Variants in USP24 observed in about 807,000 individuals in gnomAD.
The protein encoded by USP24 is ubiquitin carboxyl-terminal hydrolase 24.
In USP24, 97 loss-of-function variants were observed where a neutral mutation model predicts 361.6. That is an observed-to-expected ratio of 0.27 (90% CI 0.23 to 0.32). USP24 has a LOEUF of 0.32. Among genes scored for constraint, USP24 ranks in the 10% least tolerant of loss-of-function variants. The pLI is 1.00. For missense variants in USP24, 2,353 were observed against 3,165.6 expected (o/e 0.74, Z 6.16); for synonymous variants, 1,098 against 1,124.6 (o/e 0.98, Z 0.47).
chr1:55,080,216 T>G (rs1252957043), intron 59 of USP24, among the ~76,000 whole-genome samples: 1 of 152,184 alleles, frequency 6.6e-6, no homozygotes, highest in African/African-American at 2.4e-5. Context: ...TAATTTTCGT[T>G]ACAAAATTGT....
chr1:55,107,608 C>A (rs919030811), intron 39 of USP24, among the ~76,000 whole-genome samples, 178 bp from the exon 40 acceptor site: 4 of 151,994 alleles, frequency 2.6e-5, no homozygotes, highest in Admixed American at 6.6e-5. Flanking sequence ...CTTTGGGAGG[C>A]TGAGGTGGGC....
At chr1:55,197,020 G>GTTGC (rs1644438709) in intron 1 of USP24, among the ~76,000 whole-genome samples, 1 of 152,196 alleles carries the variant, frequency 6.6e-6, no homozygotes, top group Non-Finnish European at 1.5e-5. Context: ...ATAGCATATA[G>GTTGC]TTGCTTTCAT....
At chr1:55,197,249 C>T (rs1163411839) in intron 1 of USP24, among the ~76,000 whole-genome samples, 1 of 152,222 alleles carries the variant, frequency 6.6e-6, no homozygotes, top group Non-Finnish European at 1.5e-5. Flanking sequence ...CCCCTACCCA[C>T]TGCTGTCCAG....
intron 59 of USP24, 130 bp from the exon 60 acceptor site, chr1:55,079,789 ACACTGAGTACT>A: frequency 8.7e-7 from 1 of 1,147,644 alleles, no homozygotes; most frequent in Non-Finnish European, 1.2e-6. Context: ...GAGTACTCAC[ACACTGAGTACT>A]CACACACTGA....
intron 67 of USP24, chr1:55,071,558 C>A: frequency 7.7e-7 from 1 of 1,301,976 alleles, no homozygotes. Context: ...ATCGGGACTA[C>A]CTGCAGGCTG....
At chr1:55,190,109 G>A (rs532526379) in intron 1 of USP24, among the ~76,000 whole-genome samples, 1 of 132,514 alleles carries the variant, frequency 7.5e-6, no homozygotes, top group Admixed American at 9.4e-5. Flanking sequence ...AGGTTGCGGT[G>A]AGCCAAGATT....
At chr1:55,084,833 C>T (rs1017833308) in intron 56 of USP24, among the ~76,000 whole-genome samples, 25 of 152,178 alleles carry the variant, frequency 1.6e-4, no homozygotes, top group Admixed American at 1.1e-3. Context: ...CTCTTTCTGC[C>T]GCCTGCTGTC....
At chr1:55,193,023 G>A (rs1644329823) in intron 1 of USP24, among the ~76,000 whole-genome samples, 1 of 152,142 alleles carries the variant, frequency 6.6e-6, no homozygotes. Context: ...GGAAAAAATG[G>A]ATGGTTGCAT....
chr1:55,157,107 A>C, intron 11 of USP24, 56 bp from the exon 12 acceptor site: 1 of 1,465,944 alleles, frequency 6.8e-7, no homozygotes, highest in Non-Finnish European at 9.5e-7. Context: ...GACTCTCTAA[A>C]TATAATTCTA....
Position 55,068,760 on chromosome 1 carries a change from C to A in USP24, c.*285G>T. The A allele has an allele frequency of 2.5e-6, 1 of 407,662 alleles. No individual in the cohort carries two copies. The highest frequency in any genetic ancestry group is 4.4e-6 in the Non-Finnish European group (1 of 229,664). The allele number at this position is 407,662 out of a possible 1,614,324, so 25.3% of individuals were successfully genotyped here. On this transcript the variant is annotated 3_prime_UTR_variant, in exon 68 of 68. Transcript: ENST00000294383. Reference sequence around the variant, plus strand: ...ATGTTCGTGTAACAAAAAAGTCTGCCACTGGCTCTATTTCCGAAAATCTCC... The same window carrying A: ...ATGTTCGTGTAACAAAAAAGTCTGCAACTGGCTCTATTTCCGAAAATCTCC...
At chr1:55,156,231 T>C (rs916229456) in intron 12 of USP24, among the ~76,000 whole-genome samples, 1 of 152,104 alleles carries the variant, frequency 6.6e-6, no homozygotes, top group African/African-American at 2.4e-5. Flanking sequence ...GTTACATATT[T>C]AGATATACTG....
chr1:55,085,837 G>T, intron 56 of USP24, 105 bp downstream of exon 56: 1 of 1,175,978 alleles, frequency 8.5e-7, no homozygotes, highest in Non-Finnish European at 1.2e-6. Flanking sequence ...GTATTTATGT[G>T]GCAAAATTAC....
intron 35 of USP24, 48 bp downstream of exon 35, chr1:55,124,421 G>A: frequency 6.4e-7 from 1 of 1,562,958 alleles, no homozygotes; most frequent in Non-Finnish European, 8.7e-7. Context: ...AATTCTTATG[G>A]TTATTTCTTA....
chr1:55,120,812 C>T, intron 37 of USP24, 56 bp from the exon 38 acceptor site: 1 of 1,443,422 alleles, frequency 6.9e-7, no homozygotes, highest in South Asian at 1.5e-5. Context: ...GTTGAGACTG[C>T]TTAAAAAGTG....
At chr1:55,175,950 A>G (rs1649939851) in intron 3 of USP24, among the ~76,000 whole-genome samples, 1 of 152,176 alleles carries the variant, frequency 6.6e-6, no homozygotes, top group Non-Finnish European at 1.5e-5. Flanking sequence ...GTAGTTTAAA[A>G]TGTCTTCTCC....
chr1:55,108,922 C>T (rs1163343131), intron 39 of USP24, among the ~76,000 whole-genome samples: 2 of 152,242 alleles, frequency 1.3e-5, no homozygotes, highest in Admixed American at 6.5e-5. Context: ...GACACACTCT[C>T]ACACTGTATT....
chr1:55,192,296 G>A (rs1644310756), intron 1 of USP24, among the ~76,000 whole-genome samples: 1 of 152,180 alleles, frequency 6.6e-6, no homozygotes, highest in Non-Finnish European at 1.5e-5. Context: ...CCACCTGCTA[G>A]TTTAGAGATA....
chr1:55,123,577 T>C lies in USP24; in HGVS notation c.4146A>G (p.Glu1382=). ...SSGSNCSSGS[E]GEPVALHAGI... The stretch of plus-strand genomic sequence containing the variant: ...CCGCATGCAGGGCTACTGGTTCTCC[T>C]TCACTTCCAGAGCTGCAATTGCTTC... Residue 1382 remains glutamate (E), a synonymous_variant, in exon 36 of 68, where the codon GAA becomes GAG. Coordinates refer to ENST00000294383, the MANE Select transcript of USP24 (RefSeq NM_015306.3). 6.3e-7 allele frequency: 1 copy of C among 1,597,530 alleles called. No individual in the cohort carries two copies. The highest frequency in any genetic ancestry group is 8.5e-7 in the Non-Finnish European group (1 of 1,171,808).
At chr1:55,094,874 T>C (rs969494239) in intron 51 of USP24, among the ~76,000 whole-genome samples, 2 of 151,914 alleles carry the variant, frequency 1.3e-5, no homozygotes, top group Non-Finnish European at 2.9e-5. Context: ...CTGGTGCCCC[T>C]CGCCTGTGGT....
Sources: gnomAD v4.1 joint callset for allele counts (sites outside exome capture counted in the v4.1 genomes callset) on GRCh38, gnomAD v4.1.1 for gene constraint, MANE v1.5 for transcripts, NCBI Gene and HGNC (gene_info 2026-07-23, HGNC 2026-07-21) for gene names.